The following SGCD variants were observed in gnomAD, a reference collection of about 807,000 sequenced individuals.
SGCD encodes delta-sarcoglycan.
A neutral mutation model predicts 36.6 loss-of-function variants in SGCD; 18 were observed. The ratio of observed to expected loss-of-function variants is 0.49; its 90% CI spans 0.34 to 0.73. SGCD has a LOEUF of 0.73. SGCD is among the 30% of genes least tolerant of loss of function. The pLI is 0.01. For synonymous variants in SGCD, 133 were observed against 130.6 expected (o/e 1.02, Z -0.12); for missense variants, 387 against 346.7 (o/e 1.12, Z -0.92).
At chr5:156,486,921 GC>G (rs1342966018) in intron 3 of SGCD, among the ~76,000 whole-genome samples, 4 of 152,058 alleles carry the variant, frequency 2.6e-5, no homozygotes, top group Non-Finnish European at 5.9e-5. Context: ...TTGGTTCACT[GC>G]CCCTGTTACC....
chr5:156,612,002 G>T (rs934950670), intron 6 of SGCD, among the ~76,000 whole-genome samples: 6 of 152,078 alleles, frequency 3.9e-5, no homozygotes, highest in African/African-American at 1.4e-4. Context: ...TTGGTGGTCT[G>T]TATTTTCTTG....
At chr5:155,867,528 G>A (rs1372558404), upstream of SGCD, among the ~76,000 whole-genome samples, 1 of 152,176 alleles carries the variant, frequency 6.6e-6, no homozygotes, top group Non-Finnish European at 1.5e-5. Context: ...GCATTGAACG[G>A]CAGTTATAGT....
At position 155,961,028 on chromosome 5, in the gene SGCD, C is replaced by T. The variant is rs60487570; in HGVS notation, c.-282+90604C>T. On this transcript the variant is annotated intron_variant, in intron 1 of 9. Transcript: ENST00000517913. ...AGAAGAGAAATAATGAACTCAGTAA[C>T]TAGGACTTTCAGAAGCACACTTTCC... Among the ~76,000 whole-genome samples the T allele has an allele frequency of 3.7e-3, 570 of 152,172 alleles. 7 individuals are homozygous for T. The highest frequency in any genetic ancestry group is 0.013 in the African/African-American group (536 of 41,534).
chr5:156,629,308 G>C (rs1762544260), intron 6 of SGCD, among the ~76,000 whole-genome samples: 1 of 152,086 alleles, frequency 6.6e-6, no homozygotes, highest in African/African-American at 2.4e-5. Flanking sequence ...ATAGTACTGG[G>C]GACATAATAA....
chr5:156,427,889 A>G (rs1773746104), intron 3 of SGCD, among the ~76,000 whole-genome samples: 2 of 152,176 alleles, frequency 1.3e-5, no homozygotes. Flanking sequence ...TATGAAACCC[A>G]CTTGATCATG....
At chr5:156,481,240 T>C (rs1262062247) in intron 3 of SGCD, among the ~76,000 whole-genome samples, 2 of 152,126 alleles carry the variant, frequency 1.3e-5, no homozygotes, top group African/African-American at 4.8e-5. Context: ...GACTGGCTAG[T>C]GACAAGTAGA....
the SGCD span, among the ~76,000 whole-genome samples, chr5:155,838,530 G>A: frequency 6.6e-6 from 1 of 152,092 alleles, no homozygotes; most frequent in Non-Finnish European, 1.5e-5. Flanking sequence ...TTAGGTTAGA[G>A]TAGCAATTCT....
intron 1 of SGCD, among the ~76,000 whole-genome samples, chr5:156,047,191 G>A (rs1759787524): frequency 6.6e-6 from 1 of 152,150 alleles, no homozygotes; most frequent in African/African-American, 2.4e-5. Flanking sequence ...GTTGGTTAAT[G>A]AAGTTTAAAG....
At chr5:155,733,323 C>T in the SGCD span, among the ~76,000 whole-genome samples, 1 of 152,144 alleles carries the variant, frequency 6.6e-6, no homozygotes, top group Non-Finnish European at 1.5e-5. Context: ...TCTTTCTGGC[C>T]CACTTAAATT....
At chr5:155,889,254 C>G (rs906441164) in intron 1 of SGCD, among the ~76,000 whole-genome samples, 6 of 152,058 alleles carry the variant, frequency 3.9e-5, no homozygotes, top group Non-Finnish European at 8.8e-5. Context: ...TAAGTAACCT[C>G]ATATGATAGA....
At chr5:156,002,121 G>A (rs866676927) in intron 1 of SGCD, among the ~76,000 whole-genome samples, 2 of 152,320 alleles carry the variant, frequency 1.3e-5, no homozygotes, top group Non-Finnish European at 1.5e-5. Context: ...GAATGTGGCT[G>A]TGTTTGGAGC....
At chr5:155,975,132 A>G (rs1248353282) in intron 1 of SGCD, among the ~76,000 whole-genome samples, 1 of 152,164 alleles carries the variant, frequency 6.6e-6, no homozygotes, top group Non-Finnish European at 1.5e-5. Flanking sequence ...GAACAAAAAC[A>G]TGTCTGTGGA....
At chr5:155,731,511 G>A in the SGCD span, among the ~76,000 whole-genome samples, 73 of 152,278 alleles carry the variant, frequency 4.8e-4, 2 homozygotes, top group African/African-American at 1.6e-3. Flanking sequence ...TTTCTCTGGG[G>A]AGTCATGAAT....
At chr5:155,830,493 A>G in the SGCD span, among the ~76,000 whole-genome samples, 1 of 152,178 alleles carries the variant, frequency 6.6e-6, no homozygotes, top group Non-Finnish European at 1.5e-5. Flanking sequence ...TTAGGGGGAG[A>G]GTGTTCAATC....
At chr5:156,527,332 A>C (rs919920241) in intron 4 of SGCD, among the ~76,000 whole-genome samples, 8 of 152,214 alleles carry the variant, frequency 5.3e-5, no homozygotes, top group Admixed American at 5.2e-4. Context: ...CAAGCTATAG[A>C]ATATAAGGGG....
At chr5:156,638,081 G>C (rs936410788) in intron 6 of SGCD, among the ~76,000 whole-genome samples, 5 of 150,904 alleles carry the variant, frequency 3.3e-5, no homozygotes, top group Non-Finnish European at 5.9e-5. Context: ...CAGGAACAGC[G>C]TGTTCTACTT....
rs1426370609 is a variant in SGCD, at chr5:156,477,649, G to GT, written c.193-30946dup. On this transcript the variant is annotated intron_variant, in intron 3 of 8. Transcript: ENST00000337851. ...TGATGGCAACAATAGAATCATCCTG[G>GT]TTTTTTATAGACAACACAGCTTAAA... Among the ~76,000 whole-genome samples, 6 of 127,240 alleles carry GT rather than the reference G, an allele frequency of 4.7e-5. No homozygotes were observed. The East Asian group carries it at 7.1e-4, about 15-fold the overall frequency. The allele number at this position is 127,240 out of a possible 152,430, so 83.5% of individuals were successfully genotyped here. A position where few individuals can be genotyped will look rare whatever the true frequency, so the allele number is the denominator to read the frequency against.
chr5:156,439,264 G>A (rs191675172), intron 3 of SGCD, among the ~76,000 whole-genome samples: 17 of 152,262 alleles, frequency 1.1e-4, no homozygotes, highest in Non-Finnish European at 1.5e-5. Context: ...GTTGCTCTGT[G>A]TAATGCAGCC....
intron 7 of SGCD, among the ~76,000 whole-genome samples, chr5:156,667,948 A>G (rs1395800783): frequency 1.3e-5 from 2 of 152,342 alleles, no homozygotes; most frequent in Non-Finnish European, 2.9e-5. Flanking sequence ...TACATTTACT[A>G]TTAACAACAT....
Sources: gnomAD v4.1 joint callset for allele counts (sites outside exome capture counted in the v4.1 genomes callset) on GRCh38, gnomAD v4.1.1 for gene constraint, MANE v1.5 for transcripts, NCBI Gene and HGNC (gene_info 2026-07-23, HGNC 2026-07-21) for gene names.